Variants in POU2F2 observed in about 807,000 individuals in gnomAD.
POU2F2 encodes POU class 2 homeobox 2, also known as POU domain, class 2, transcription factor 2.
A neutral mutation model predicts 63.5 loss-of-function variants in POU2F2; 14 were observed. The observed-to-expected ratio is 0.22, with a 90% CI of 0.15 to 0.34. The LOEUF (loss-of-function observed/expected upper bound fraction) is 0.34, where lower values mean the gene tolerates loss of function less well. Among genes scored for constraint, POU2F2 ranks in the 10% least tolerant of loss-of-function variants. The pLI is 1.00. For missense variants in POU2F2, 607 were observed against 815.2 expected (o/e 0.74, Z 3.11); for synonymous variants, 306 against 348.6 (o/e 0.88, Z 1.36).
Position 42,091,094 on chromosome 19 carries a change from C to CTTTTT in POU2F2, c.*158_*162dup, listed in dbSNP as rs60030513. The CTTTTT allele has an allele frequency of 2.8e-6, 1 of 360,676 alleles. No individual in the cohort carries two copies. Among genetic ancestry groups the CTTTTT allele is most frequent in the Non-Finnish European group, 4.5e-6 (1 of 221,932 alleles). 22.3% of individuals were successfully genotyped at this position (360,676 alleles called of 1,614,324 possible). On this transcript the variant is annotated 3_prime_UTR_variant, in exon 15 of 15. Transcript: ENST00000692977. ...TCTCTTTTGTTGGTTAGTTTCTTTC[C>CTTTTT]TTTTTTTTTTTTTTTTTGGTTGGTT...
chr19:42,093,720 C>T (rs1373037140), intron 12 of POU2F2, 109 bp downstream of exon 12: 3 of 1,152,478 alleles, frequency 2.6e-6, no homozygotes, highest in East Asian at 2.5e-5. Flanking sequence ...CCACACTCCC[C>T]AGGCCCAGTC....
At chr19:42,170,230 C>T (rs1424510173) in intron 1 of POU2F2, among the ~76,000 whole-genome samples, 1 of 151,936 alleles carries the variant, frequency 6.6e-6, no homozygotes, top group Non-Finnish European at 1.5e-5. Context: ...ATCCATGCTC[C>T]GAGGGAGATG....
In POU2F2 at chr19:42,153,596, G is replaced by T. The variant is rs2034397632; in HGVS notation, c.-9+6736C>A. Among the ~76,000 whole-genome samples the T allele has an allele frequency of 6.6e-6, 1 of 152,100 alleles. No homozygotes were observed. The highest frequency in any genetic ancestry group is 2.4e-5 in the African/African-American group (1 of 41,394). On this transcript the variant is annotated intron_variant, in intron 2 of 6. Coordinates refer to the POU2F2 transcript ENST00000524801. The surrounding 1 kb of genome is among the most constrained non-coding windows in gnomAD (Gnocchi z 5.6). The stretch of plus-strand genomic sequence containing the variant: ...GTGTGCTTCAGGGATCTGCGCGGTG[G>T]TCTCTATGTGTACTGGAAGCAGGTT...
At chr19:42,161,683 G>C (rs187756794) in intron 1 of POU2F2, among the ~76,000 whole-genome samples, 231 of 152,134 alleles carry the variant, frequency 1.5e-3, no homozygotes, top group Admixed American at 3.7e-3. Flanking sequence ...AAGCAAAAGG[G>C]GGGTAAAAAG....
upstream of POU2F2, among the ~76,000 whole-genome samples, chr19:42,179,542 GGGA>G (rs1216604204): frequency 2.6e-5 from 4 of 151,950 alleles, no homozygotes; most frequent in Admixed American, 1.3e-4. Flanking sequence ...GGGAGGGAAA[GGGA>G]GGAGGAGGAG....
chr19:42,093,984 G>T, intron 11 of POU2F2, 89 bp from the exon 12 acceptor site: 1 of 1,141,886 alleles, frequency 8.8e-7, no homozygotes, highest in Non-Finnish European at 1.3e-6. Flanking sequence ...CTCCGTCCCA[G>T]GATGGGGGCA....
intron 5 of POU2F2, among the ~76,000 whole-genome samples, chr19:42,101,891 C>A (rs1335776743): frequency 1.3e-5 from 2 of 151,576 alleles, no homozygotes; most frequent in African/African-American, 2.4e-5. Flanking sequence ...GCAGGAGAAT[C>A]GCTTGAAGCC....
intron 2 of POU2F2, among the ~76,000 whole-genome samples, chr19:42,147,300 C>T (rs1197084965): frequency 2.6e-5 from 4 of 152,298 alleles, no homozygotes; most frequent in Non-Finnish European, 5.9e-5. Context: ...CCAGGCCCTT[C>T]GCATGTGCCA....
Position 42,122,536 on chromosome 19 carries a change from A to C in POU2F2, c.69T>G (p.Gly23=). The change falls in exon 2 of 15, where the codon GGT becomes GGG. Residue 23 remains glycine, a synonymous_variant. Coordinates refer to ENST00000692977, the MANE Select transcript of POU2F2 (RefSeq NM_001394376.1). ...CTGTGTGCTCTGATGGGGAGTCCAGACCTTGCTTCTCGGCCTCCAGGGGCT... is the reference window on the plus strand; with the variant it reads ...CTGTGTGCTCTGATGGGGAGTCCAGCCCTTGCTTCTCGGCCTCCAGGGGCT... ...MSKPLEAEKQ[G]LDSPSEHTDT... 1.9e-6 allele frequency: 3 copies of C among 1,605,754 alleles called. No homozygotes were observed.
intron 11 of POU2F2, among the ~76,000 whole-genome samples, chr19:42,094,787 G>T (rs924862223): frequency 6.6e-6 from 1 of 152,192 alleles, no homozygotes; most frequent in Non-Finnish European, 1.5e-5. Flanking sequence ...ACCGATGGGG[G>T]CAGGGGCTCC....
chr19:42,166,807 C>A, intron 1 of POU2F2, among the ~76,000 whole-genome samples: 1 of 152,024 alleles, frequency 6.6e-6, no homozygotes, highest in South Asian at 2.1e-4. Context: ...GCCAATGTAC[C>A]CCTCCAGCAC....
intron 1 of POU2F2, among the ~76,000 whole-genome samples, chr19:42,183,292 C>T (rs565896392): frequency 6.6e-6 from 1 of 152,272 alleles, no homozygotes; most frequent in African/African-American, 2.4e-5. Flanking sequence ...GTTACTGATA[C>T]ACACAGCAAC....
At chr19:42,139,491 T>TAAA (rs1175719235) in intron 2 of POU2F2, among the ~76,000 whole-genome samples, 12 of 152,146 alleles carry the variant, frequency 7.9e-5, no homozygotes, top group African/African-American at 2.9e-4. Context: ...CATTCTTTTA[T>TAAA]TTTATTTTAC....
intron 2 of POU2F2, among the ~76,000 whole-genome samples, chr19:42,140,504 T>C (rs2034106180): frequency 6.6e-6 from 1 of 152,220 alleles, no homozygotes; most frequent in African/African-American, 2.4e-5. Flanking sequence ...AAGCTAATTT[T>C]GTCCCCAACA....
chr19:42,191,736 G>A (rs1568429650), intron 1 of POU2F2, among the ~76,000 whole-genome samples: 1 of 152,206 alleles, frequency 6.6e-6, no homozygotes, highest in Non-Finnish European at 1.5e-5. Context: ...AGGTGTGATG[G>A]CAGTGAGGGG....
intron 1 of POU2F2, among the ~76,000 whole-genome samples, chr19:42,182,596 T>C (rs554056648): frequency 1.3e-5 from 2 of 152,242 alleles, no homozygotes; most frequent in Non-Finnish European, 2.9e-5. Context: ...AGTGGCCTCC[T>C]ATGGGAAGGT....
intron 1 of POU2F2, among the ~76,000 whole-genome samples, chr19:42,163,083 G>A (rs1223612531): frequency 6.6e-6 from 1 of 152,120 alleles, no homozygotes; most frequent in Non-Finnish European, 1.5e-5. Flanking sequence ...ACCTCTATCT[G>A]ATTGGACTCC....
At chr19:42,184,796 T>C (rs2034996696) in intron 1 of POU2F2, among the ~76,000 whole-genome samples, 2 of 152,160 alleles carry the variant, frequency 1.3e-5, no homozygotes, top group Non-Finnish European at 2.9e-5. Flanking sequence ...TCTCCCAGGG[T>C]GAATCATCCC....
At chr19:42,174,748 CACTG>C (rs1410599179) in intron 1 of POU2F2, among the ~76,000 whole-genome samples, 1 of 151,658 alleles carries the variant, frequency 6.6e-6, no homozygotes, top group African/African-American at 2.4e-5. Context: ...CCCCACTGCA[CACTG>C]ACTCTGTACC....
Sources: gnomAD v4.1 joint callset for allele counts (sites outside exome capture counted in the v4.1 genomes callset) on GRCh38, gnomAD v4.1.1 for gene constraint, Gnocchi (gnomAD v3.1) non-coding constraint, MANE v1.5 for transcripts, NCBI Gene and HGNC (gene_info 2026-07-23, HGNC 2026-07-21) for gene names.